The following AAGAB variants were observed in gnomAD, a reference collection of about 807,000 sequenced individuals.
The protein encoded by AAGAB is alpha- and gamma-adaptin-binding protein p34.
Under a neutral mutation model 44.1 loss-of-function variants are expected in AAGAB, and 38 were observed. The ratio of observed to expected loss-of-function variants is 0.86; its 90% confidence interval spans 0.67 to 1.13. The LOEUF (loss-of-function observed/expected upper bound fraction) is 1.13, where lower values mean the gene tolerates loss of function less well. Ranked by LOEUF, AAGAB falls within the 50% of genes most tolerant of loss-of-function variation. The pLI is 0.00. For missense variants in AAGAB, 450 were observed against 373.8 expected (o/e 1.20, Z -1.68); for synonymous variants, 131 against 131.8 (o/e 0.99, Z 0.04).
At position 67,208,545 on chromosome 15, in the gene AAGAB, C is replaced by A; in HGVS notation, c.715+17G>T. 6.2e-7 allele frequency: 1 copy of A among 1,608,844 alleles called. No homozygotes were observed. The highest frequency in any genetic ancestry group is 1.7e-4 in the Middle Eastern group (1 of 6,052). Reference sequence around the variant, plus strand: ...GTTGCACAAAGCTCTCTCTTGGCAGCCAAAGGAGGAACTTACCCACAATGC... The same window carrying A: ...GTTGCACAAAGCTCTCTCTTGGCAGACAAAGGAGGAACTTACCCACAATGC... On this transcript the variant is annotated intron_variant, in intron 7 of 9. Transcript: ENST00000261880.
chr15:67,242,631 C>A (rs1964630184), intron 1 of AAGAB: 2 of 152,122 alleles, frequency 1.3e-5, no homozygotes, highest in Admixed American at 1.3e-4. Flanking sequence ...TGGAAAGGGA[C>A]TTTGTAGCAT....
At chr15:67,241,639 C>T (rs1240095999) in intron 1 of AAGAB, among the ~76,000 whole-genome samples, 1 of 152,212 alleles carries the variant, frequency 6.6e-6, no homozygotes, top group East Asian at 1.9e-4. Flanking sequence ...ATTAACCTCT[C>T]GGTGTCTCAT....
At chr15:67,239,741 T>C (rs1964552327) in intron 1 of AAGAB, among the ~76,000 whole-genome samples, 1 of 152,250 alleles carries the variant, frequency 6.6e-6, no homozygotes, top group Admixed American at 6.5e-5. Flanking sequence ...AATATCATAA[T>C]GTAGAGTTTA....
chr15:67,245,881 C>T (rs187392290), intron 1 of AAGAB, among the ~76,000 whole-genome samples: 2 of 152,270 alleles, frequency 1.3e-5, no homozygotes, highest in Admixed American at 6.5e-5. Flanking sequence ...TCAGACAGAA[C>T]AGCCACCCTG....
chr15:67,230,928 C>T (rs566492266), intron 5 of AAGAB, among the ~76,000 whole-genome samples: 2 of 152,288 alleles, frequency 1.3e-5, no homozygotes, highest in African/African-American at 4.8e-5. Flanking sequence ...TAAAAATCTC[C>T]AGTGACTCAC....
chr15:67,211,648 A>C (rs1963823604), intron 5 of AAGAB, among the ~76,000 whole-genome samples: 1 of 152,228 alleles, frequency 6.6e-6, no homozygotes, highest in Non-Finnish European at 1.5e-5. Context: ...ATATCTGAGT[A>C]ATAAACTACT....
chr15:67,230,264 A>T (rs1964305343), intron 5 of AAGAB, among the ~76,000 whole-genome samples: 1 of 152,164 alleles, frequency 6.6e-6, no homozygotes, highest in Non-Finnish European at 1.5e-5. Context: ...TTCCTAAAAG[A>T]CTGTGTTAAT....
chr15:67,254,691 C>T, upstream of AAGAB: 1 of 1,534,262 alleles, frequency 6.5e-7, no homozygotes, highest in Non-Finnish European at 8.9e-7. Flanking sequence ...TGCACCACGG[C>T]CGCCGGCGCG....
intron 1 of AAGAB, among the ~76,000 whole-genome samples, chr15:67,242,428 T>C (rs1413093357): frequency 5.4e-5 from 3 of 55,822 alleles, no homozygotes; most frequent in Non-Finnish European, 9.1e-5. Context: ...AGACTCCGTC[T>C]CAAAAAAAAA....
chr15:67,222,570 G>A (rs1400617443), intron 5 of AAGAB, among the ~76,000 whole-genome samples: 2 of 151,988 alleles, frequency 1.3e-5, no homozygotes, highest in African/African-American at 4.8e-5. Context: ...AGCCACATTT[G>A]CATCCACAAA....
intron 1 of AAGAB, among the ~76,000 whole-genome samples, chr15:67,249,187 A>T (rs1422065324): frequency 2.6e-5 from 4 of 152,054 alleles, no homozygotes; most frequent in African/African-American, 9.7e-5. Context: ...GGTGTGCACC[A>T]CCACACCCGG....
chr15:67,228,015 G>A (rs947271065), intron 5 of AAGAB, among the ~76,000 whole-genome samples: 1 of 152,284 alleles, frequency 6.6e-6, no homozygotes, highest in Admixed American at 6.5e-5. Flanking sequence ...GTACCTCCTT[G>A]CTTTGCAGTT....
At chr15:67,232,146 C>T (rs568574741) in intron 4 of AAGAB, among the ~76,000 whole-genome samples, 3 of 150,622 alleles carry the variant, frequency 2.0e-5, no homozygotes, top group Admixed American at 6.7e-5. Flanking sequence ...TCCAGCTACT[C>T]GGGAGGCTGA....
At chr15:67,249,156 T>TCC (rs1964800606) in intron 1 of AAGAB, among the ~76,000 whole-genome samples, 1 of 152,018 alleles carries the variant, frequency 6.6e-6, no homozygotes, top group Non-Finnish European at 1.5e-5. Flanking sequence ...TGCCTCAGCC[T>TCC]CCCGAGTAGC....
rs1963738553 is a variant in AAGAB, at chr15:67,208,622, G to A, written c.655C>T (p.Leu219Phe). Residue 219 changes from leucine (L) to phenylalanine (F), a missense_variant, in exon 7 of 10, where the codon CTC becomes TTC. Coordinates refer to ENST00000261880, the MANE Select transcript of AAGAB (RefSeq NM_024666.5). ...HLPAADSTES[L>F]SDHRGGASNT... ...GATGCACCACCCCGATGATCAGAGA[G>A]GGATTCAGTACTATCTGCTGCTGGC... 6.2e-7 allele frequency: 1 copy of A among 1,614,064 alleles called. No individual in the cohort carries two copies. The highest frequency in any genetic ancestry group is 1.3e-5 in the African/African-American group (1 of 74,926).
chr15:67,217,391 ATTGTT>A (rs1479831744), intron 5 of AAGAB, among the ~76,000 whole-genome samples: 2 of 152,160 alleles, frequency 1.3e-5, no homozygotes, highest in Non-Finnish European at 2.9e-5. Flanking sequence ...CAAATTTGAT[ATTGTT>A]TTATTTTCTG....
Position 67,202,882 on chromosome 15 carries a change from C to T in AAGAB, c.887G>A (p.Trp296Ter), listed in dbSNP as rs753393542. ...ATCTCTGTCTCCCCCGATTGCCATC[C>T]AGAATGCTTTGGCCACCTGTGGAGA... ...VHAEKVAKAF[W>*]MAIGGDRDEI... The change falls in exon 10 of 10, where the codon TGG becomes TAG. Residue 296 changes from tryptophan to a stop codon, truncating the protein, a stop_gained. Coordinates refer to ENST00000261880, the MANE Select transcript of AAGAB (RefSeq NM_024666.5). LOFTEE classifies it high-confidence loss of function. The T allele has an allele frequency of 9.9e-6, 16 of 1,614,070 alleles. No individual in the cohort carries two copies. The highest frequency in any genetic ancestry group is 2.7e-5 in the African/African-American group (2 of 75,032).
intron 1 of AAGAB, among the ~76,000 whole-genome samples, chr15:67,240,257 T>A (rs916442036): frequency 6.6e-6 from 1 of 152,146 alleles, no homozygotes; most frequent in Non-Finnish European, 1.5e-5. Flanking sequence ...GATCTTGAGG[T>A]TTTTTTGTTG....
rs1243089660 is a variant in AAGAB, at chr15:67,209,453, AACCTTT to A, written c.618+3_618+8del. 6.2e-7 allele frequency: 1 copy of A among 1,611,590 alleles called. No homozygotes were observed. The highest frequency in any genetic ancestry group is 1.1e-5 in the South Asian group (1 of 90,826). ...AAAGAGGGAAAAAAGATCCAAGAAAAACCTTTACCTCTGGGTGACAGGGATCTGCTG... is the reference window on the plus strand; with the variant it reads ...AAAGAGGGAAAAAAGATCCAAGAAAAACCTCTGGGTGACAGGGATCTGCTG... On this transcript the variant is annotated splice_donor_5th_base_variant and intron_variant, in intron 6 of 9. Transcript: ENST00000261880.
Sources: gnomAD v4.1 joint callset for allele counts (sites outside exome capture counted in the v4.1 genomes callset) on GRCh38, gnomAD v4.1.1 for gene constraint, MANE v1.5 for transcripts, NCBI Gene and HGNC (gene_info 2026-07-23, HGNC 2026-07-21) for gene names.